The following SCHIP1 variants were observed in gnomAD, a reference collection of about 807,000 sequenced individuals.
The protein encoded by SCHIP1 is schwannomin-interacting protein 1.
In SCHIP1, 8 loss-of-function variants were observed where a neutral mutation model predicts 29.7. The observed-to-expected ratio is 0.27, with a 90% CI of 0.16 to 0.49. The LOEUF (loss-of-function observed/expected upper bound fraction) is 0.49, where lower values mean the gene tolerates loss of function less well. SCHIP1 is among the 20% of genes least tolerant of loss of function. The pLI is 0.99. For missense variants in SCHIP1, 193 were observed against 294.6 expected (o/e 0.66, Z 2.52); for synonymous variants, 76 against 94.9 (o/e 0.80, Z 1.16).
chr3:159,821,249 G>A, the SCHIP1 span, among the ~76,000 whole-genome samples: 2 of 152,192 alleles, frequency 1.3e-5, no homozygotes, highest in Non-Finnish European at 2.9e-5. Flanking sequence ...GGAGAAAAAA[G>A]GGGAGAGAGA....
At chr3:159,893,688 T>A (rs1311669266) in intron 6 of SCHIP1, 1 of 152,172 alleles carries the variant, frequency 6.6e-6, no homozygotes, top group African/African-American at 2.4e-5. Flanking sequence ...TTTATAACTT[T>A]CAGATGGTGT....
At chr3:159,669,661 C>T in the SCHIP1 span, among the ~76,000 whole-genome samples, 3 of 152,220 alleles carry the variant, frequency 2.0e-5, no homozygotes, top group Non-Finnish European at 4.4e-5. Flanking sequence ...AACCCCTCAA[C>T]TTACTCTGCT....
At chr3:159,466,707 G>A in the SCHIP1 span, among the ~76,000 whole-genome samples, 1,162 of 152,212 alleles carry the variant, frequency 7.6e-3, 15 homozygotes, top group African/African-American at 0.027. Context: ...AAAATGGTGT[G>A]GGATTTGAAC....
At chr3:159,725,236 G>A in the SCHIP1 span, among the ~76,000 whole-genome samples, 1 of 151,630 alleles carries the variant, frequency 6.6e-6, no homozygotes, top group Non-Finnish European at 1.5e-5. Context: ...ATGAGAGAGA[G>A]AGAGAAACTA....
the SCHIP1 span, among the ~76,000 whole-genome samples, chr3:159,283,563 G>A: frequency 1.3e-5 from 2 of 151,744 alleles, no homozygotes; most frequent in African/African-American, 4.8e-5. Context: ...AGGCTGGAGT[G>A]CAATGGCGCG....
chr3:159,681,206 T>C, the SCHIP1 span, among the ~76,000 whole-genome samples: 1 of 151,474 alleles, frequency 6.6e-6, no homozygotes, highest in South Asian at 2.1e-4. Flanking sequence ...GGATAAGAGG[T>C]GGGAGTGAGT....
At chr3:159,491,276 A>T in the SCHIP1 span, among the ~76,000 whole-genome samples, 2 of 152,202 alleles carry the variant, frequency 1.3e-5, no homozygotes, top group Admixed American at 6.5e-5. Context: ...TGGGCGCAGC[A>T]CACCATGCAT....
chr3:159,592,438 C>T, the SCHIP1 span, among the ~76,000 whole-genome samples: 6 of 152,060 alleles, frequency 3.9e-5, no homozygotes, highest in African/African-American at 1.4e-4. Flanking sequence ...CTTTTCACAG[C>T]TGGATTTTTT....
the SCHIP1 span, among the ~76,000 whole-genome samples, chr3:159,456,062 T>C: frequency 6.6e-6 from 1 of 152,154 alleles, no homozygotes; most frequent in East Asian, 1.9e-4. Context: ...CTCAACCTAA[T>C]AAAATAACTT....
the SCHIP1 span, among the ~76,000 whole-genome samples, chr3:159,828,441 G>GTATATATACA: frequency 2.3e-5 from 1 of 42,930 alleles, no homozygotes; most frequent in Non-Finnish European, 4.1e-5. Context: ...GTATATATAC[G>GTATATATACA]TATATATATA....
the SCHIP1 span, among the ~76,000 whole-genome samples, chr3:159,400,223 C>A: frequency 5.3e-5 from 8 of 152,090 alleles, no homozygotes; most frequent in Non-Finnish European, 8.8e-5. Flanking sequence ...TACATTAAGA[C>A]AATTAAGTGC....
chr3:159,595,811 T>C, the SCHIP1 span, among the ~76,000 whole-genome samples: 4 of 152,158 alleles, frequency 2.6e-5, no homozygotes, highest in Non-Finnish European at 4.4e-5. Flanking sequence ...AACTCATCTG[T>C]CCTCAGAACG....
At chr3:159,693,050 T>G in the SCHIP1 span, among the ~76,000 whole-genome samples, 1 of 152,192 alleles carries the variant, frequency 6.6e-6, no homozygotes, top group East Asian at 1.9e-4. Context: ...CATATTTACC[T>G]TGACTAGTAG....
chr3:159,339,773 A>G, the SCHIP1 span, among the ~76,000 whole-genome samples: 1 of 152,178 alleles, frequency 6.6e-6, no homozygotes, highest in Non-Finnish European at 1.5e-5. Flanking sequence ...TTTCTCTAGA[A>G]GTAATCTGCC....
At chr3:159,541,514 T>C in the SCHIP1 span, among the ~76,000 whole-genome samples, 1 of 152,074 alleles carries the variant, frequency 6.6e-6, no homozygotes, top group African/African-American at 2.4e-5. Context: ...TAGCAAATCC[T>C]GTGAAAAGGT....
At chr3:159,635,947 C>T in the SCHIP1 span, among the ~76,000 whole-genome samples, 1 of 151,984 alleles carries the variant, frequency 6.6e-6, no homozygotes. Flanking sequence ...GTTTTGTAGG[C>T]AGGTGTGGAA....
At chr3:159,678,502 A>C in the SCHIP1 span, among the ~76,000 whole-genome samples, 14 of 152,364 alleles carry the variant, frequency 9.2e-5, no homozygotes, top group African/African-American at 3.4e-4. Flanking sequence ...AAAACTTATT[A>C]ACATTGATAA....
At chr3:159,468,199 A>C in the SCHIP1 span, among the ~76,000 whole-genome samples, 1 of 152,140 alleles carries the variant, frequency 6.6e-6, no homozygotes, top group South Asian at 2.1e-4. Flanking sequence ...CTAATTTTTG[A>C]ACCTTGTAAT....
the SCHIP1 span, among the ~76,000 whole-genome samples, chr3:159,758,808 CTG>C: frequency 6.6e-6 from 1 of 152,356 alleles, no homozygotes; most frequent in South Asian, 2.1e-4. Context: ...AGGGCACAAT[CTG>C]TGCAACCACA....
Sources: gnomAD v4.1 joint callset for allele counts (sites outside exome capture counted in the v4.1 genomes callset) on GRCh38, gnomAD v4.1.1 for gene constraint, MANE v1.5 for transcripts, NCBI Gene and HGNC (gene_info 2026-07-23, HGNC 2026-07-21) for gene names.